FOXP2: variants seen among roughly 807,000 people sequenced by gnomAD.
FOXP2 encodes the protein forkhead box protein P2.
FOXP2 carries 12 observed loss-of-function variants against 115.8 expected under a neutral mutation model. The observed-to-expected ratio is 0.10, with a 90% CI of 0.07 to 0.17. The LOEUF is 0.17. FOXP2 is among the 10% of genes least tolerant of loss of function. FOXP2 has a pLI of 1.00. For missense variants in FOXP2, 629 were observed against 843.5 expected, an observed-to-expected ratio of 0.75 and a Z score of 3.15; for synonymous variants, 328 against 297.7, an observed-to-expected ratio of 1.10 and a Z score of -1.05.
Position 114,367,841 on chromosome 7 carries a change from G to A in FOXP2, c.-10-58661G>A, listed in dbSNP as rs372111109. Among the ~76,000 whole-genome samples, 5 of 152,034 alleles carry A rather than the reference G, an allele frequency of 3.3e-5. No individual in the cohort carries two copies. In the South Asian group the frequency reaches 8.3e-4, roughly 25 times the overall value. On this transcript the variant is annotated intron_variant, in intron 2 of 17. Coordinates refer to the FOXP2 transcript ENST00000634411. Reference sequence around the variant, plus strand: ...ATCTGTAAGAGAGATGACTAAATAAGCACTATAATTCATTTTCCATTTTTA... The same window carrying A: ...ATCTGTAAGAGAGATGACTAAATAAACACTATAATTCATTTTCCATTTTTA...
intron 16 of FOXP2, chr7:114,667,441 A>G (rs1171139030): frequency 6.6e-6 from 1 of 152,058 alleles, no homozygotes; most frequent in Non-Finnish European, 1.5e-5. Flanking sequence ...TCTAAAAATA[A>G]AAAGTGAAAC....
intron 3 of FOXP2, among the ~76,000 whole-genome samples, chr7:114,559,719 A>T (rs558151278): frequency 1.1e-4 from 16 of 151,710 alleles, no homozygotes; most frequent in African/African-American, 3.9e-4. Context: ...CGTCTCTACT[A>T]AAAAAAACAC....
intron 2 of FOXP2, among the ~76,000 whole-genome samples, chr7:114,509,676 G>GT (rs1448970542): frequency 6.8e-6 from 1 of 147,942 alleles, no homozygotes; most frequent in Non-Finnish European, 1.5e-5. Flanking sequence ...TTGGTGGGGG[G>GT]GGGGCTTGTT....
intron 1 of FOXP2, among the ~76,000 whole-genome samples, chr7:114,168,138 A>G (rs941122779): frequency 2.0e-5 from 3 of 152,150 alleles, no homozygotes; most frequent in Non-Finnish European, 4.4e-5. Context: ...AGCAGTGTGA[A>G]AATGGACTAA....
chr7:114,143,054 G>A (rs1396378976), intron 1 of FOXP2, among the ~76,000 whole-genome samples: 1 of 151,416 alleles, frequency 6.6e-6, no homozygotes, highest in Non-Finnish European at 1.5e-5. Context: ...TGGCTTCGGT[G>A]GGAGAATCAC....
At chr7:114,174,067 T>C (rs1793222250) in intron 1 of FOXP2, among the ~76,000 whole-genome samples, 1 of 152,030 alleles carries the variant, frequency 6.6e-6, no homozygotes, top group Non-Finnish European at 1.5e-5. Context: ...ACCTGACACA[T>C]AGCTGGCACT....
intron 16 of FOXP2, among the ~76,000 whole-genome samples, chr7:114,688,332 C>A (rs1379366959): frequency 3.4e-5 from 5 of 148,650 alleles, no homozygotes. Context: ...TAACACCAAA[C>A]AACAAAAACA....
At chr7:114,145,438 TTTCTTTTCTTTTC>T (rs760752536) in intron 1 of FOXP2, among the ~76,000 whole-genome samples, 413 of 20,882 alleles carry the variant, frequency 0.02, 5 homozygotes, top group South Asian at 0.057. Context: ...CATTTTTTCT[TTTCTTTTCTTTTC>T]TTTTCTTTTC....
intron 2 of FOXP2, among the ~76,000 whole-genome samples, chr7:114,528,384 A>G (rs1798975373): frequency 6.6e-6 from 1 of 152,048 alleles, no homozygotes; most frequent in South Asian, 2.1e-4. Context: ...GCCTTTTGAC[A>G]TTCAACTGGA....
intron 1 of FOXP2, among the ~76,000 whole-genome samples, chr7:114,128,515 T>A (rs1791782442): frequency 6.6e-6 from 1 of 152,038 alleles, no homozygotes; most frequent in Non-Finnish European, 1.5e-5. Flanking sequence ...GTAAGTATTG[T>A]ATTACTAAAT....
At chr7:114,478,439 A>G (rs1186872825) in intron 2 of FOXP2, among the ~76,000 whole-genome samples, 1 of 151,870 alleles carries the variant, frequency 6.6e-6, no homozygotes, top group Non-Finnish European at 1.5e-5. Flanking sequence ...TTATGGTTAC[A>G]AAGAAAAAGT....
chr7:114,496,658 A>T (rs888424049), intron 2 of FOXP2, among the ~76,000 whole-genome samples: 5 of 152,274 alleles, frequency 3.3e-5, no homozygotes, highest in Admixed American at 3.3e-4. Flanking sequence ...CATACATTGA[A>T]CTAGTTCCTA....
intron 1 of FOXP2, among the ~76,000 whole-genome samples, chr7:114,227,368 G>C (rs143207097): frequency 8.0e-4 from 122 of 152,064 alleles, no homozygotes; most frequent in Admixed American, 1.4e-3. Context: ...TTTATGCTTG[G>C]AGCAAAGACT....
chr7:114,212,219 C>T (rs1320038037), intron 1 of FOXP2, among the ~76,000 whole-genome samples: 1 of 151,540 alleles, frequency 6.6e-6, no homozygotes, highest in Non-Finnish European at 1.5e-5. Context: ...GTTTTCCTAT[C>T]TTAAGTGTTT....
chr7:114,353,304 G>T (rs1413229709), intron 2 of FOXP2, among the ~76,000 whole-genome samples: 3 of 117,720 alleles, frequency 2.5e-5, no homozygotes, highest in African/African-American at 3.2e-5. Context: ...CCCCTCTTCT[G>T]TTGTCATTTG....
chr7:114,628,493 T>C (rs772576496), intron 3 of FOXP2, 47 bp from the exon 4 acceptor site: 3 of 1,612,006 alleles, frequency 1.9e-6, no homozygotes, highest in South Asian at 1.1e-5. Flanking sequence ...TTAACAGATA[T>C]TTGGTTATGA....
intron 2 of FOXP2, among the ~76,000 whole-genome samples, chr7:114,479,384 T>TA (rs1330214053): frequency 6.6e-6 from 1 of 151,544 alleles, no homozygotes; most frequent in African/African-American, 2.4e-5. Context: ...TGCTGTGTGT[T>TA]ACGCTTGGTC....
chr7:114,106,459 G>C (rs1376852279), intron 1 of FOXP2, among the ~76,000 whole-genome samples: 1 of 149,636 alleles, frequency 6.7e-6, no homozygotes, highest in African/African-American at 2.5e-5. Flanking sequence ...AACTTGTTTT[G>C]CTAAAAGAGC....
rs116723621 is a variant in FOXP2, at chr7:114,236,164, T to A, written c.-101-51855T>A. Among the ~76,000 whole-genome samples the A allele has an allele frequency of 1.3e-3, 192 of 152,306 alleles. 1 individual carries two copies. The highest frequency in any genetic ancestry group is 4.4e-3 in the African/African-American group (185 of 41,576). ...TAAATGCCAGTGAGAGGATAAGAAA[T>A]ATGAATATGGAAAAGCTTTCAATGG... On this transcript the variant is annotated intron_variant, in intron 1 of 17. Transcript: ENST00000634411.
Sources: gnomAD v4.1 joint callset for allele counts (sites outside exome capture counted in the v4.1 genomes callset) on GRCh38, gnomAD v4.1.1 for gene constraint, MANE v1.5 for transcripts, NCBI Gene and HGNC (gene_info 2026-07-23, HGNC 2026-07-21) for gene names.